CREBRF: variants seen among roughly 807,000 people sequenced by gnomAD.
The protein encoded by CREBRF is UPF0474 protein C5orf41.
A neutral mutation model predicts 66.1 loss-of-function variants in CREBRF; 5 were observed. The ratio of observed to expected loss-of-function variants is 0.08; its 90% CI spans 0.04 to 0.16. CREBRF has a LOEUF of 0.16. Among genes scored for constraint, CREBRF ranks in the 10% least tolerant of loss-of-function variants. The pLI, the probability that CREBRF is intolerant of heterozygous loss-of-function variation, is 1.00. For missense variants in CREBRF, 531 were observed against 744.9 expected (o/e 0.71, Z 3.34); for synonymous variants, 229 against 264.4 (o/e 0.87, Z 1.30).
At chr5:173,110,369 A>G in intron 5 of CREBRF, 153 bp from the exon 6 acceptor site, 1 of 716,874 alleles carries the variant, frequency 1.4e-6, no homozygotes, top group Non-Finnish European at 2.6e-6. Context: ...CCCTTCTAGG[A>G]TAGATTGTTA....
chr5:173,095,243 CA>C (rs1265377226), intron 4 of CREBRF, among the ~76,000 whole-genome samples: 1 of 128,996 alleles, frequency 7.8e-6, no homozygotes, highest in Admixed American at 9.8e-5. Flanking sequence ...GGCTGGAGTG[CA>C]GTGGCCCGAT....
At chr5:173,081,849 G>A (rs1287399393) in intron 2 of CREBRF, among the ~76,000 whole-genome samples, 5 of 151,880 alleles carry the variant, frequency 3.3e-5, no homozygotes, top group African/African-American at 1.2e-4. Flanking sequence ...GAACCTGGGA[G>A]TGCAAAGATC....
At chr5:173,092,612 A>G (rs1432657863) in intron 4 of CREBRF, among the ~76,000 whole-genome samples, 1 of 152,208 alleles carries the variant, frequency 6.6e-6, no homozygotes, top group African/African-American at 2.4e-5. Context: ...AAAACTATCA[A>G]AGAGAGCCCT....
intron 2 of CREBRF, chr5:173,085,337 A>T: frequency 8.2e-7 from 1 of 1,213,744 alleles, no homozygotes; most frequent in Non-Finnish European, 1.2e-6. Flanking sequence ...AGAGATGTTC[A>T]TAGCAGCACA....
chr5:173,100,049 G>T, intron 4 of CREBRF, among the ~76,000 whole-genome samples: 1 of 142,034 alleles, frequency 7.0e-6, no homozygotes. Flanking sequence ...TGGGATTACA[G>T]GCACCTGCCA....
chr5:173,107,989 G>A (rs201245088), intron 4 of CREBRF, among the ~76,000 whole-genome samples: 8 of 151,650 alleles, frequency 5.3e-5, no homozygotes, highest in South Asian at 4.2e-4. Context: ...GCACCACCAC[G>A]CCCTGGCTAA....
chr5:173,058,484 T>A (rs905309882), intron 1 of CREBRF, among the ~76,000 whole-genome samples: 2 of 152,112 alleles, frequency 1.3e-5, no homozygotes, highest in Non-Finnish European at 2.9e-5. Context: ...TCATCAATTT[T>A]TTTTTTTTTT....
rs779456608 is a variant in CREBRF, at chr5:173,090,637, C to G, written c.458C>G (p.Ser153Cys). 7 of 1,614,120 alleles carry G rather than the reference C, an allele frequency of 4.3e-6. No homozygotes were observed. The highest frequency in any genetic ancestry group is 5.9e-6 in the Non-Finnish European group (7 of 1,179,986). Residue 153 changes from serine (S) to cysteine (C), a missense_variant, in exon 4 of 9, where the codon TCC (serine) becomes TGC (cysteine). By Grantham distance (112) the Ser-to-Cys change is moderately radical. Transcript: ENST00000296953. This position sits in a 1 kb window ranked among gnomAD's most constrained non-coding sequence, Gnocchi z 4.5. ...NSEDSQSVSD[S>C]LYYPDSLFSV... ...GAGGACTCACAGTCTGTTTCTGATTCCCTTTATTACCCCGATTCACTTTTC... is the reference window on the plus strand; with the variant it reads ...GAGGACTCACAGTCTGTTTCTGATTGCCTTTATTACCCCGATTCACTTTTC...
intron 7 of CREBRF, among the ~76,000 whole-genome samples, chr5:173,120,036 T>C (rs1029221794): frequency 2.0e-5 from 3 of 152,188 alleles, no homozygotes; most frequent in Non-Finnish European, 4.4e-5. Context: ...TCTATTCTAA[T>C]ATTATATGTT....
intron 1 of CREBRF, among the ~76,000 whole-genome samples, chr5:173,070,672 TG>T (rs1453250089): frequency 1.3e-5 from 2 of 152,128 alleles, no homozygotes; most frequent in Non-Finnish European, 1.5e-5. Flanking sequence ...TCACTCTTCT[TG>T]GAAATTAAAA....
intron 1 of CREBRF, among the ~76,000 whole-genome samples, chr5:173,058,329 T>C (rs904456462): frequency 3.9e-5 from 6 of 152,240 alleles, no homozygotes; most frequent in South Asian, 2.1e-4. Context: ...GGTACCAAGC[T>C]CTTGATGGCA....
At chr5:173,133,548 C>T (rs1406993185) in intron 8 of CREBRF, 82 bp from the exon 9 acceptor site, 1 of 702,818 alleles carries the variant, frequency 1.4e-6, no homozygotes, top group Non-Finnish European at 2.5e-6. Flanking sequence ...CACACCTGAA[C>T]CTCAGTTTTT....
chr5:173,103,219 G>A (rs1758670824), intron 4 of CREBRF, among the ~76,000 whole-genome samples: 1 of 152,100 alleles, frequency 6.6e-6, no homozygotes, highest in Admixed American at 6.6e-5. Context: ...CCAAATTTGT[G>A]GATGGCATTT....
At chr5:173,072,999 G>A (rs1449074444) in intron 1 of CREBRF, among the ~76,000 whole-genome samples, 1 of 152,220 alleles carries the variant, frequency 6.6e-6, no homozygotes, top group Non-Finnish European at 1.5e-5. Flanking sequence ...AAGTCAGAGA[G>A]TGATAGTATT....
intron 5 of CREBRF, 110 bp downstream of exon 5, chr5:173,108,928 G>A: frequency 1.1e-6 from 1 of 911,278 alleles, no homozygotes; most frequent in Non-Finnish European, 1.7e-6. Context: ...TAGCAAACTG[G>A]AGATGGGGAC....
At chr5:173,100,122 A>ATATATATG (rs1758587787) in intron 4 of CREBRF, among the ~76,000 whole-genome samples, 1 of 38,082 alleles carries the variant, frequency 2.6e-5, no homozygotes, top group African/African-American at 9.9e-5. Context: ...GTGTGTGTAT[A>ATATATATG]TATATATAAT....
At chr5:173,095,601 A>T (rs1029428874) in intron 4 of CREBRF, among the ~76,000 whole-genome samples, 1 of 152,250 alleles carries the variant, frequency 6.6e-6, no homozygotes, top group East Asian at 1.9e-4. Flanking sequence ...GTGATTTCAT[A>T]TGAGTTTTAG....
chr5:173,069,081 A>G (rs1232620171), intron 1 of CREBRF, among the ~76,000 whole-genome samples: 1 of 152,042 alleles, frequency 6.6e-6, no homozygotes, highest in African/African-American at 2.4e-5. Context: ...CAAAAAACAA[A>G]AAAAAAGAAA....
chr5:173,087,211 T>G (rs1758178906), intron 3 of CREBRF, among the ~76,000 whole-genome samples: 1 of 151,834 alleles, frequency 6.6e-6, no homozygotes, highest in African/African-American at 2.4e-5. Context: ...CCTCCCAAAG[T>G]CCTGGGATTA....
Sources: gnomAD v4.1 joint callset for allele counts (sites outside exome capture counted in the v4.1 genomes callset) on GRCh38, gnomAD v4.1.1 for gene constraint, Gnocchi (gnomAD v3.1) non-coding constraint, MANE v1.5 for transcripts, NCBI Gene and HGNC (gene_info 2026-07-23, HGNC 2026-07-21) for gene names.